MTHFD1L: variants seen among roughly 807,000 people sequenced by gnomAD.
MTHFD1L encodes monofunctional C1-tetrahydrofolate synthase, mitochondrial.
Under a neutral mutation model 119.5 loss-of-function variants are expected in MTHFD1L, and 81 were observed. The observed-to-expected ratio is 0.68, with a 90% CI of 0.57 to 0.82. The LOEUF (loss-of-function observed/expected upper bound fraction) is 0.82. MTHFD1L is among the 40% of genes least tolerant of loss of function. The pLI, the probability that MTHFD1L is intolerant of heterozygous loss-of-function variation, is 0.00. For synonymous variants in MTHFD1L, 430 were observed against 475.2 expected, an observed-to-expected ratio of 0.90 and a Z score of 1.24; for missense variants, 1,125 against 1,253.4, an observed-to-expected ratio of 0.90 and a Z score of 1.55.
chr6:151,049,560 G>T (rs1788680330), intron 26 of MTHFD1L, among the ~76,000 whole-genome samples: 1 of 151,210 alleles, frequency 6.6e-6, no homozygotes, highest in Admixed American at 6.6e-5. Context: ...TACTAGGGAG[G>T]CTGAGGCAGG....
chr6:150,990,094 C>T (rs987619269), intron 20 of MTHFD1L, among the ~76,000 whole-genome samples: 2 of 152,088 alleles, frequency 1.3e-5, no homozygotes, highest in African/African-American at 4.8e-5. Flanking sequence ...GCTTGGCCAA[C>T]ATGGTGAAAC....
intron 17 of MTHFD1L, 77 bp from the exon 18 acceptor site, chr6:150,960,198 T>C (rs1340482905): frequency 1.3e-6 from 2 of 1,515,006 alleles, no homozygotes; most frequent in African/African-American, 2.8e-5. Context: ...GCTTCATGGC[T>C]GAAGTCCAGC....
intron 6 of MTHFD1L, 93 bp from the exon 7 acceptor site, chr6:150,887,752 C>A: frequency 2.2e-6 from 3 of 1,357,306 alleles, no homozygotes; most frequent in Non-Finnish European, 2.9e-6. Flanking sequence ...CCACCACACC[C>A]AGCCTAAAAG....
At chr6:151,016,459 T>C (rs1783066830) in intron 24 of MTHFD1L, among the ~76,000 whole-genome samples, 2 of 151,780 alleles carry the variant, frequency 1.3e-5, no homozygotes, top group South Asian at 4.2e-4. Flanking sequence ...CTAGCTGGGA[T>C]TACAGGCACC....
chr6:151,001,399 G>T (rs1432550205), intron 20 of MTHFD1L, among the ~76,000 whole-genome samples: 1 of 152,206 alleles, frequency 6.6e-6, no homozygotes, highest in Non-Finnish European at 1.5e-5. Context: ...CAGCACTTCA[G>T]TTTAACTATT....
intron 20 of MTHFD1L, among the ~76,000 whole-genome samples, chr6:151,005,464 C>T (rs1781255314): frequency 6.6e-6 from 1 of 152,154 alleles, no homozygotes; most frequent in Non-Finnish European, 1.5e-5. Context: ...TCTTCCCATT[C>T]TTCGTCTATT....
rs564703260 is a variant in MTHFD1L, at chr6:150,982,702, T to C, written c.2125+10644T>C. Among the ~76,000 whole-genome samples, 30 of 145,178 alleles carry C rather than the reference T, an allele frequency of 2.1e-4. No homozygotes were observed. The South Asian group carries it at 4.2e-3, about 21-fold the overall frequency. On this transcript the variant is annotated intron_variant, in intron 20 of 27. Coordinates refer to ENST00000367321, the MANE Select transcript of MTHFD1L (RefSeq NM_015440.5). The stretch of plus-strand genomic sequence containing the variant: ...TCTCCACGTTTGTCCTGACACTTCT[T>C]TTTTTTTTTTTTCTTGAGACAGAGT...
intron 14 of MTHFD1L, 45 bp from the exon 15 acceptor site, chr6:150,945,422 G>T: frequency 1.3e-6 from 2 of 1,515,016 alleles, no homozygotes; most frequent in South Asian, 2.4e-5. Flanking sequence ...CAAGTTCATG[G>T]ACAACTAACT....
intron 7 of MTHFD1L, among the ~76,000 whole-genome samples, chr6:150,891,667 G>C (rs1032458902): frequency 6.6e-6 from 1 of 151,790 alleles, no homozygotes; most frequent in South Asian, 2.1e-4. Context: ...GCAAGGATGT[G>C]GATATAGATG....
At position 151,039,412 on chromosome 6, in the gene MTHFD1L, A is replaced by G. The variant is rs1231843237; in HGVS notation, c.2847+2295A>G. Among the ~76,000 whole-genome samples the G allele has an allele frequency of 6.6e-6, 1 of 152,106 alleles. No individual in the cohort carries two copies. The highest frequency in any genetic ancestry group is 1.9e-4 in the East Asian group (1 of 5,184). Reference sequence around the variant, plus strand: ...TATGTTTTGACGTGGTAGTGATTCCATGGCTATATACATTCTTCCAGACTC... The same window carrying G: ...TATGTTTTGACGTGGTAGTGATTCCGTGGCTATATACATTCTTCCAGACTC... On this transcript the variant is annotated intron_variant, in intron 26 of 27. Transcript: ENST00000367321. The surrounding 1 kb of genome is among the most constrained non-coding windows in gnomAD (Gnocchi z 4.4).
chr6:150,998,837 A>AC (rs1250405762), intron 20 of MTHFD1L, among the ~76,000 whole-genome samples: 1 of 150,356 alleles, frequency 6.7e-6, no homozygotes, highest in African/African-American at 2.5e-5. Context: ...AAAAAAAAAA[A>AC]ACATTAGCTG....
At chr6:150,977,776 C>T (rs1776793382) in intron 20 of MTHFD1L, among the ~76,000 whole-genome samples, 1 of 152,072 alleles carries the variant, frequency 6.6e-6, no homozygotes, top group African/African-American at 2.4e-5. Flanking sequence ...ATTGTGTATC[C>T]TTATAGGCAG....
chr6:151,099,555 C>T (rs1795182495), intron 27 of MTHFD1L: 2 of 1,605,142 alleles, frequency 1.2e-6, no homozygotes, highest in Non-Finnish European at 1.7e-6. Flanking sequence ...TTGTGAAGCC[C>T]AAGATCGTCA....
intron 24 of MTHFD1L, among the ~76,000 whole-genome samples, chr6:151,030,283 G>C (rs1785152627): frequency 6.6e-6 from 1 of 152,206 alleles, no homozygotes; most frequent in Non-Finnish European, 1.5e-5. Flanking sequence ...CCTTTGTGCA[G>C]AGCCCATGGA....
At chr6:150,965,293 T>A (rs1625684) in intron 19 of MTHFD1L, among the ~76,000 whole-genome samples, 117,907 of 151,386 alleles carry the variant, frequency 0.78, 46,092 homozygotes, top group East Asian at 0.91. Flanking sequence ...AAAAAAAAAA[T>A]TTTTAAGTGT....
At chr6:151,069,927 T>G (rs370270599) in intron 26 of MTHFD1L, among the ~76,000 whole-genome samples, 22 of 152,304 alleles carry the variant, frequency 1.4e-4, no homozygotes, top group Non-Finnish European at 2.6e-4. Context: ...CACTACCTCT[T>G]AGATGTCGAT....
intron 26 of MTHFD1L, among the ~76,000 whole-genome samples, chr6:151,068,303 C>T (rs1003071900): frequency 1.3e-5 from 2 of 152,238 alleles, no homozygotes; most frequent in African/African-American, 2.4e-5. Context: ...TGAAGCCTTT[C>T]GTCTGGTGAC....
In MTHFD1L at chr6:150,874,333, G is replaced by A. The variant is rs575926811; in HGVS notation, c.228-1757G>A. Among the ~76,000 whole-genome samples the A allele has an allele frequency of 6.6e-5, 10 of 152,246 alleles. No homozygotes were observed. In the East Asian group the frequency reaches 1.7e-3, roughly 26 times the overall value. On this transcript the variant is annotated intron_variant, in intron 1 of 27. Coordinates refer to ENST00000367321, the MANE Select transcript of MTHFD1L (RefSeq NM_015440.5). ...TGCCTGCACCCAGTCCATCTGTTCC[G>A]GCCCAGCTGGCAGTAGAAAGACTGG... is the stretch of plus-strand genomic sequence containing the variant.
intron 7 of MTHFD1L, among the ~76,000 whole-genome samples, chr6:150,892,728 C>T (rs1197002380): frequency 6.6e-6 from 1 of 152,230 alleles, no homozygotes; most frequent in Non-Finnish European, 1.5e-5. Context: ...TAGCCACATA[C>T]TTCCCCGTAA....
Sources: gnomAD v4.1 joint callset for allele counts (sites outside exome capture counted in the v4.1 genomes callset) on GRCh38, gnomAD v4.1.1 for gene constraint, Gnocchi (gnomAD v3.1) non-coding constraint, MANE v1.5 for transcripts, NCBI Gene and HGNC (gene_info 2026-07-23, HGNC 2026-07-21) for gene names.